The following CSMD1 variants were observed in gnomAD, a reference collection of about 807,000 sequenced individuals.
CSMD1 encodes CUB and Sushi multiple domains 1.
CSMD1 carries 213 observed loss-of-function variants against 417.5 expected under a neutral mutation model. The observed-to-expected ratio is 0.51, with a 90% CI of 0.46 to 0.57. CSMD1 has a LOEUF of 0.57. Ranked by LOEUF, CSMD1 falls within the 20% of genes least tolerant of loss-of-function variation. The probability of loss-of-function intolerance (pLI) is 0.00; values close to 1 mark genes in which losing one functional copy is unlikely to be tolerated. For synonymous variants in CSMD1, 2,862 were observed against 1,736.8 expected, an observed-to-expected ratio of 1.65 and a Z score of -16.11; for missense variants, 6,923 against 4,529.7, an observed-to-expected ratio of 1.53 and a Z score of -15.17.
rs267601893 is a variant in CSMD1 at position 3,142,485 on chromosome 8, C to G, written c.6221G>C (p.Gly2074Ala). 2 of 1,613,698 alleles carry G rather than the reference C, an allele frequency of 1.2e-6. No homozygotes were observed. Among genetic ancestry groups the G allele is most frequent in the South Asian group, 2.2e-5 (2 of 91,058 alleles). ...FYSDHSQNRQ[G>A]FKLAYQAYEL... is the part of the protein sequence containing the mutation. ...CATACCTTGGTAAGCAAGTTTAAAT[C>G]CTTGCCGGTTTTGCGAATGGTCACT... The change falls in exon 41 of 70, where the codon GGA becomes GCA. Residue 2074 changes from glycine (G) to alanine (A), a missense_variant. By Grantham distance (60) the Gly-to-Ala change is moderately conservative. Coordinates refer to ENST00000635120, the MANE Select transcript of CSMD1 (RefSeq NM_033225.6).
intron 3 of CSMD1, among the ~76,000 whole-genome samples, chr8:4,386,986 A>G (rs1349209559): frequency 6.6e-6 from 1 of 152,206 alleles, no homozygotes; most frequent in Non-Finnish European, 1.5e-5. Context: ...TGTATGAATG[A>G]AAGGACAGTA....
intron 1 of CSMD1, among the ~76,000 whole-genome samples, chr8:4,987,337 A>G (rs1811231342): frequency 6.6e-6 from 1 of 152,228 alleles, no homozygotes. Flanking sequence ...TTTGACAGCT[A>G]TAATGATAAC....
intron 1 of CSMD1, among the ~76,000 whole-genome samples, chr8:4,720,609 G>T (rs1008958616): frequency 2.6e-5 from 4 of 152,078 alleles, no homozygotes; most frequent in Admixed American, 6.6e-5. Flanking sequence ...TAGAGACAGG[G>T]TTTCACCATG....
intron 25 of CSMD1, among the ~76,000 whole-genome samples, chr8:3,303,217 G>T: frequency 6.6e-6 from 1 of 152,086 alleles, no homozygotes; most frequent in East Asian, 1.9e-4. Flanking sequence ...CATGGTCTAT[G>T]TACAGAGGCT....
At chr8:4,827,815 G>A (rs1198876972) in intron 1 of CSMD1, among the ~76,000 whole-genome samples, 3 of 152,090 alleles carry the variant, frequency 2.0e-5, no homozygotes, top group African/African-American at 4.8e-5. Flanking sequence ...AATTTTTACT[G>A]TAATCTACAG....
At chr8:4,601,987 G>A (rs552971689) in intron 2 of CSMD1, among the ~76,000 whole-genome samples, 2 of 152,242 alleles carry the variant, frequency 1.3e-5, no homozygotes, top group East Asian at 3.9e-4. Context: ...TGTACTCTCT[G>A]AAAGCTTTTA....
intron 17 of CSMD1, among the ~76,000 whole-genome samples, chr8:3,390,211 C>T (rs1460633391): frequency 6.6e-6 from 1 of 151,608 alleles, no homozygotes; most frequent in Non-Finnish European, 1.5e-5. Flanking sequence ...AAAAATTAGC[C>T]AGGTGTGGTG....
intron 23 of CSMD1, among the ~76,000 whole-genome samples, chr8:3,341,027 A>C (rs531469941): frequency 2.0e-5 from 3 of 152,330 alleles, no homozygotes; most frequent in South Asian, 2.1e-4. Context: ...AAGTGCCCAC[A>C]AACAGATGAA....
At chr8:4,682,401 T>C (rs1023427147) in intron 1 of CSMD1, among the ~76,000 whole-genome samples, 1 of 152,144 alleles carries the variant, frequency 6.6e-6, no homozygotes, top group African/African-American at 2.4e-5. Flanking sequence ...TGTCCTCAGG[T>C]ATGCATTTAG....
chr8:3,044,541 G>A (rs781096198), intron 50 of CSMD1, among the ~76,000 whole-genome samples: 4 of 151,882 alleles, frequency 2.6e-5, no homozygotes, highest in Admixed American at 6.6e-5. Context: ...AACCCAGTCC[G>A]TTAATACCAA....
At chr8:4,886,779 G>A (rs1220977840) in intron 1 of CSMD1, among the ~76,000 whole-genome samples, 3 of 151,696 alleles carry the variant, frequency 2.0e-5, no homozygotes, top group Non-Finnish European at 4.4e-5. Context: ...AGATTTGTTG[G>A]CATAAATTTA....
intron 5 of CSMD1, among the ~76,000 whole-genome samples, chr8:3,755,267 C>T (rs57132137): frequency 0.21 from 31,180 of 152,066 alleles, 3,652 homozygotes; most frequent in South Asian, 0.3. Flanking sequence ...ATAGGTGGAT[C>T]ATGTTTATGA....
At chr8:2,996,346 C>T (rs776157140) in intron 54 of CSMD1, among the ~76,000 whole-genome samples, 1 of 152,130 alleles carries the variant, frequency 6.6e-6, no homozygotes, top group African/African-American at 2.4e-5. Context: ...AGAGACTACA[C>T]ATTAGATCAG....
intron 12 of CSMD1, among the ~76,000 whole-genome samples, chr8:3,462,428 G>C (rs1816563650): frequency 6.6e-6 from 1 of 152,166 alleles, no homozygotes; most frequent in Admixed American, 6.5e-5. Context: ...TACCACCTGA[G>C]CTCTGCCTCC....
At chr8:3,763,182 G>C (rs979820029) in intron 5 of CSMD1, among the ~76,000 whole-genome samples, 1 of 152,270 alleles carries the variant, frequency 6.6e-6, no homozygotes, top group South Asian at 2.1e-4. Context: ...CAGAGCCCTA[G>C]GCCAGTCCCA....
chr8:3,645,956 A>G (rs768879504), intron 7 of CSMD1, among the ~76,000 whole-genome samples: 7 of 152,174 alleles, frequency 4.6e-5, no homozygotes, highest in African/African-American at 1.7e-4. Flanking sequence ...GTATCATAAA[A>G]TAATTAAATT....
At chr8:3,315,205 G>T (rs1563263454) in intron 23 of CSMD1, among the ~76,000 whole-genome samples, 2 of 151,958 alleles carry the variant, frequency 1.3e-5, no homozygotes, top group Non-Finnish European at 2.9e-5. Context: ...TCAGTGTAAA[G>T]AACTGCATTA....
At position 3,201,606 on chromosome 8, in the gene CSMD1, A is replaced by G. The variant is rs189271689; in HGVS notation, c.5098+6T>C. 1,066 of 1,567,130 alleles carry G rather than the reference A, an allele frequency of 6.8e-4. No homozygotes were observed. Among genetic ancestry groups the G allele is most frequent in the Non-Finnish European group, 8.4e-4 (960 of 1,147,994 alleles). On this transcript the variant is annotated splice_donor_region_variant and intron_variant, in intron 32 of 69. Coordinates refer to ENST00000635120, the MANE Select transcript of CSMD1 (RefSeq NM_033225.6). The stretch of plus-strand genomic sequence containing the variant: ...TAAATTAAGGGCAAAATTCTTTAAG[A>G]CTTACCTGAGTGAGACCCCGAGAGT...
intron 5 of CSMD1, among the ~76,000 whole-genome samples, chr8:3,924,977 A>C (rs1208934142): frequency 6.6e-6 from 1 of 152,076 alleles, no homozygotes; most frequent in Admixed American, 6.6e-5. Flanking sequence ...CATTTGAAGC[A>C]GTATTTCTTT....
Sources: gnomAD v4.1 joint callset for allele counts (sites outside exome capture counted in the v4.1 genomes callset) on GRCh38, gnomAD v4.1.1 for gene constraint, MANE v1.5 for transcripts, NCBI Gene and HGNC (gene_info 2026-07-23, HGNC 2026-07-21) for gene names.